Variants in IPMK observed in about 807,000 individuals in gnomAD.
IPMK encodes the protein inositol polyphosphate multikinase, also known as inositol 1,3,4,6-tetrakisphosphate 5-kinase.
In IPMK, 17 loss-of-function variants were observed where a neutral mutation model predicts 45.8. The ratio of observed to expected loss-of-function variants is 0.37; its 90% CI spans 0.25 to 0.56. IPMK has a LOEUF of 0.56. Ranked by LOEUF, IPMK falls within the 20% of genes least tolerant of loss-of-function variation. The probability of loss-of-function intolerance (pLI) is 0.79; values close to 1 mark genes in which losing one functional copy is unlikely to be tolerated. For missense variants in IPMK, 399 were observed against 498.0 expected (o/e 0.80, Z 1.89); for synonymous variants, 180 against 184.3 (o/e 0.98, Z 0.19).
At chr10:58,264,005 A>T (rs145686428) in intron 1 of IPMK, among the ~76,000 whole-genome samples, 8 of 152,346 alleles carry the variant, frequency 5.3e-5, no homozygotes, top group African/African-American at 1.9e-4. Context: ...CAGATCCTGT[A>T]CTGAGAAAAA....
At position 58,195,155 on chromosome 10, in the gene IPMK, T is replaced by C. The variant is rs1837873335; in HGVS notation, c.*921A>G. 1 of 151,982 alleles carries C rather than the reference T, an allele frequency of 6.6e-6. No individual in the cohort carries two copies. The highest frequency in any genetic ancestry group is 6.5e-5 in the Admixed American group (1 of 15,272). 9.4% of individuals were successfully genotyped at this position (151,982 alleles called of 1,614,324 possible). A position where few individuals can be genotyped will look rare whatever the true frequency, so the allele number is the denominator to read the frequency against. ...ACATTTACACTACCACTTAACTAAA[T>C]GGGGACATATAAATACATAAATTTT... is the stretch of plus-strand genomic sequence containing the variant. On this transcript the variant is annotated 3_prime_UTR_variant, in exon 6 of 6. Transcript: ENST00000373935.
intron 2 of IPMK, among the ~76,000 whole-genome samples, chr10:58,234,104 A>G (rs1838570786): frequency 6.6e-6 from 1 of 152,204 alleles, no homozygotes; most frequent in South Asian, 2.1e-4. Flanking sequence ...AATCCAACTT[A>G]CAAGGGATGT....
intron 3 of IPMK, among the ~76,000 whole-genome samples, chr10:58,219,612 G>A (rs957919017): frequency 3.9e-5 from 6 of 152,212 alleles, no homozygotes; most frequent in East Asian, 3.9e-4. Context: ...ACACCTTTTC[G>A]GCTAGGCCCC....
At chr10:58,262,896 C>T (rs1839095917) in intron 1 of IPMK, among the ~76,000 whole-genome samples, 1 of 151,116 alleles carries the variant, frequency 6.6e-6, no homozygotes, top group Admixed American at 6.6e-5. Flanking sequence ...TCTTGGAATG[C>T]TAGCTGTTAA....
intron 1 of IPMK, among the ~76,000 whole-genome samples, chr10:58,241,862 G>C (rs1588966790): frequency 6.6e-6 from 1 of 151,794 alleles, no homozygotes; most frequent in Non-Finnish European, 1.5e-5. Context: ...TTCAACATAT[G>C]AATTTTAAAG....
chr10:58,264,982 C>T (rs1839128638), intron 1 of IPMK, among the ~76,000 whole-genome samples: 1 of 152,104 alleles, frequency 6.6e-6, no homozygotes, highest in African/African-American at 2.4e-5. Flanking sequence ...AAGGGCACTA[C>T]TTAAACTGAA....
In IPMK at chr10:58,199,943, T is replaced by C. The variant is rs190671149; in HGVS notation, c.547-622A>G. On this transcript the variant is annotated intron_variant, in intron 4 of 5. Coordinates refer to ENST00000373935, the MANE Select transcript of IPMK (RefSeq NM_152230.5). ...AATGAAAGACCCCATTTATAAAATG[T>C]AACCCCCAAAGAACATGAAAATAAG... 1.6e-3 allele frequency among the ~76,000 whole-genome samples: 245 copies of C among 152,236 alleles called. 1 individual carries two copies. Among genetic ancestry groups the C allele is most frequent in the African/African-American group, 5.5e-3 (230 of 41,542 alleles).
intron 1 of IPMK, among the ~76,000 whole-genome samples, chr10:58,255,477 C>G (rs1838951327): frequency 6.6e-6 from 1 of 152,146 alleles, no homozygotes. Flanking sequence ...AGGTTTCTCT[C>G]AGGTCTGTGG....
chr10:58,202,811 T>C (rs1240806583), intron 4 of IPMK, among the ~76,000 whole-genome samples: 1 of 152,226 alleles, frequency 6.6e-6, no homozygotes, highest in Non-Finnish European at 1.5e-5. Flanking sequence ...AAAATATTAC[T>C]GCTCATTGAC....
rs58314639 is a variant in IPMK, at chr10:58,217,156, CT to C, written c.374-840del. Among the ~76,000 whole-genome samples, 247 of 102,904 alleles carry C rather than the reference CT, an allele frequency of 2.4e-3. 1 individual carries two copies. Among genetic ancestry groups the C allele is most frequent in the African/African-American group, 6.0e-3 (155 of 25,746 alleles). The allele number at this position is 102,904 out of a possible 152,430, so 67.5% of individuals were successfully genotyped here. On this transcript the variant is annotated intron_variant, in intron 3 of 5. Coordinates refer to ENST00000373935, the MANE Select transcript of IPMK (RefSeq NM_152230.5). Reference sequence around the variant, plus strand: ...GAGTCACCATGCCCAGCCCATCTTGCTTTTTTTTTTTTTTTTTTTTTTAGAA... The same window carrying C: ...GAGTCACCATGCCCAGCCCATCTTGCTTTTTTTTTTTTTTTTTTTTTAGAA...
intron 3 of IPMK, among the ~76,000 whole-genome samples, chr10:58,220,950 C>G (rs1838323867): frequency 6.6e-6 from 1 of 152,086 alleles, no homozygotes; most frequent in South Asian, 2.1e-4. Context: ...CTTTGATATT[C>G]AGTATAAATA....
chr10:58,224,283 C>G (rs1050998598), intron 3 of IPMK, among the ~76,000 whole-genome samples: 3 of 152,128 alleles, frequency 2.0e-5, no homozygotes, highest in Non-Finnish European at 2.9e-5. Flanking sequence ...CAAACCTACT[C>G]GATGTTATAC....
At chr10:58,218,534 G>C (rs551893056) in intron 3 of IPMK, among the ~76,000 whole-genome samples, 1 of 152,272 alleles carries the variant, frequency 6.6e-6, no homozygotes, top group African/African-American at 2.4e-5. Flanking sequence ...TAATTAGATA[G>C]TAATACATAG....
rs942082134 is a variant in IPMK, at chr10:58,209,687, C to T, written c.546+6458G>A. ...GGTAGACTCTGTGAGAATCCTTCAT[C>T]GTAGGTAGGTTTAGTGTGCTGGCTT... is the stretch of plus-strand genomic sequence containing the variant. On this transcript the variant is annotated intron_variant, in intron 4 of 5. Transcript: ENST00000373935. Among the ~76,000 whole-genome samples the T allele has an allele frequency of 7.2e-5, 11 of 152,286 alleles. No individual in the cohort carries two copies. The East Asian group carries it at 1.2e-3, about 16-fold the overall frequency.
At chr10:58,263,626 A>G (rs1012387360) in intron 1 of IPMK, among the ~76,000 whole-genome samples, 1 of 152,150 alleles carries the variant, frequency 6.6e-6, no homozygotes, top group East Asian at 1.9e-4. Context: ...TTGAGGCTGC[A>G]GTGAACTACA....
At chr10:58,234,864 T>A (rs1047533865) in intron 2 of IPMK, among the ~76,000 whole-genome samples, 36 of 152,156 alleles carry the variant, frequency 2.4e-4, no homozygotes, top group African/African-American at 7.2e-4. Context: ...GAAACTACCA[T>A]CAGAGTGAAC....
At chr10:58,242,289 C>T (rs958618791) in intron 1 of IPMK, among the ~76,000 whole-genome samples, 2 of 151,924 alleles carry the variant, frequency 1.3e-5, no homozygotes, top group Non-Finnish European at 2.9e-5. Context: ...AACCCCATCT[C>T]TACTAAAAAT....
intron 2 of IPMK, among the ~76,000 whole-genome samples, chr10:58,230,297 A>C (rs1461636870): frequency 1.3e-5 from 2 of 152,220 alleles, no homozygotes; most frequent in Non-Finnish European, 2.9e-5. Context: ...TGAAGAGAGC[A>C]GTGGTTCTCC....
At chr10:58,244,453 C>A (rs1838762140) in intron 1 of IPMK, among the ~76,000 whole-genome samples, 1 of 141,730 alleles carries the variant, frequency 7.1e-6, no homozygotes, top group Non-Finnish European at 1.6e-5. Flanking sequence ...GTGAGGAGCA[C>A]CTCTGCCCGG....
Sources: allele counts gnomAD v4.1 joint callset (sites outside exome capture counted in the v4.1 genomes callset), GRCh38; gene constraint gnomAD v4.1.1; transcripts MANE v1.5; gene names NCBI Gene and HGNC (gene_info 2026-07-23, HGNC 2026-07-21).